Variants in CDKAL1 observed in about 807,000 individuals in gnomAD.
The protein encoded by CDKAL1 is CDKAL1 threonylcarbamoyladenosine tRNA methylthiotransferase.
In CDKAL1, 32 loss-of-function variants were observed where a neutral mutation model predicts 68.2. That is an observed-to-expected ratio of 0.47 (90% CI 0.35 to 0.63). The LOEUF (loss-of-function observed/expected upper bound fraction) is 0.63. Ranked by LOEUF, CDKAL1 falls within the 30% of genes least tolerant of loss-of-function variation. CDKAL1 has a pLI of 0.00. For synonymous variants in CDKAL1, 234 were observed against 244.3 expected (o/e 0.96, Z 0.39); for missense variants, 606 against 696.7 (o/e 0.87, Z 1.47).
At chr6:20,686,808 T>C (rs971842399) in intron 5 of CDKAL1, among the ~76,000 whole-genome samples, 9 of 152,178 alleles carry the variant, frequency 5.9e-5, no homozygotes, top group African/African-American at 2.2e-4. Flanking sequence ...CCGTTAAGTA[T>C]GATGTTAGCT....
At chr6:20,676,712 T>G (rs979408782) in intron 5 of CDKAL1, among the ~76,000 whole-genome samples, 144 of 151,064 alleles carry the variant, frequency 9.5e-4, no homozygotes, top group Non-Finnish European at 1.8e-3. Flanking sequence ...TAAAATAAAA[T>G]AAAATAAAAA....
chr6:21,226,686 G>GT (rs556739035), intron 15 of CDKAL1, among the ~76,000 whole-genome samples: 387 of 152,060 alleles, frequency 2.5e-3, no homozygotes, highest in Non-Finnish European at 3.9e-3. Context: ...GTTCCAGCTT[G>GT]TTTTTTTTGT....
chr6:20,997,639 C>T (rs1289266569), intron 10 of CDKAL1, among the ~76,000 whole-genome samples: 1 of 152,142 alleles, frequency 6.6e-6, no homozygotes, highest in Non-Finnish European at 1.5e-5. Flanking sequence ...TTTCATCTAG[C>T]TCAGTATCCT....
At chr6:21,072,019 C>G (rs1206506228) in intron 12 of CDKAL1, among the ~76,000 whole-genome samples, 1 of 152,226 alleles carries the variant, frequency 6.6e-6, no homozygotes, top group African/African-American at 2.4e-5. Context: ...GCGATACACA[C>G]AGCCAGCTTT....
At chr6:20,853,851 A>C (rs1480617175) in intron 9 of CDKAL1, among the ~76,000 whole-genome samples, 1 of 152,222 alleles carries the variant, frequency 6.6e-6, no homozygotes, top group Non-Finnish European at 1.5e-5. Context: ...AAGGAGTCTG[A>C]GGAAAAACCC....
chr6:20,579,847 A>T (rs1458365995), intron 4 of CDKAL1, among the ~76,000 whole-genome samples: 3 of 152,224 alleles, frequency 2.0e-5, no homozygotes, highest in Admixed American at 2.0e-4. Context: ...TGGGACTTTG[A>T]TAATTTCTAT....
intron 14 of CDKAL1, 40 bp downstream of exon 14, chr6:21,198,144 G>A (rs373385307): frequency 1.5e-5 from 20 of 1,359,978 alleles, no homozygotes; most frequent in Admixed American, 1.9e-5. Context: ...TCTCCAAAGT[G>A]AGAAAGAGTT....
chr6:21,126,300 G>C (rs778014735), intron 13 of CDKAL1, among the ~76,000 whole-genome samples: 3 of 152,106 alleles, frequency 2.0e-5, no homozygotes, highest in South Asian at 2.1e-4. Flanking sequence ...ATAATGGAGC[G>C]ATGCCCCCTC....
chr6:20,934,887 T>C (rs1763628242), intron 9 of CDKAL1, among the ~76,000 whole-genome samples: 2 of 146,590 alleles, frequency 1.4e-5, no homozygotes, highest in South Asian at 4.3e-4. Flanking sequence ...AATTACTTAA[T>C]TCCGCCTTAT....
intron 4 of CDKAL1, among the ~76,000 whole-genome samples, chr6:20,640,341 A>G (rs1581875298): frequency 6.6e-6 from 1 of 152,154 alleles, no homozygotes; most frequent in Non-Finnish European, 1.5e-5. Context: ...TTTCAAATGG[A>G]ACTGTTGTGT....
intron 8 of CDKAL1, among the ~76,000 whole-genome samples, chr6:20,820,870 ACAG>A (rs1298650802): frequency 3.3e-5 from 5 of 152,048 alleles, no homozygotes; most frequent in Non-Finnish European, 5.9e-5. Flanking sequence ...AGACAGGTAA[ACAG>A]CAGACTAGAT....
intron 13 of CDKAL1, among the ~76,000 whole-genome samples, chr6:21,144,053 C>T (rs1211181022): frequency 1.3e-5 from 2 of 151,936 alleles, no homozygotes; most frequent in Admixed American, 1.3e-4. Flanking sequence ...GACTGAGATA[C>T]CATTCCATGT....
intron 4 of CDKAL1, among the ~76,000 whole-genome samples, chr6:20,557,695 G>A (rs1015440693): frequency 1.3e-5 from 2 of 152,228 alleles, no homozygotes; most frequent in African/African-American, 4.8e-5. Flanking sequence ...GGGAGGCTGA[G>A]GCAGGAGGAT....
At chr6:21,035,692 T>C (rs1254074285) in intron 11 of CDKAL1, among the ~76,000 whole-genome samples, 2 of 152,132 alleles carry the variant, frequency 1.3e-5, no homozygotes, top group Admixed American at 1.3e-4. Context: ...GTTCAAAGTT[T>C]AGTGTGCCCT....
At chr6:20,589,361 CAT>C (rs1765500304) in intron 4 of CDKAL1, among the ~76,000 whole-genome samples, 1 of 152,186 alleles carries the variant, frequency 6.6e-6, no homozygotes, top group Admixed American at 6.5e-5. Flanking sequence ...ATTACACACA[CAT>C]GTTCTGCACG....
chr6:20,598,919 G>T (rs1050715654), intron 4 of CDKAL1, among the ~76,000 whole-genome samples: 10 of 151,868 alleles, frequency 6.6e-5, no homozygotes, highest in Non-Finnish European at 8.8e-5. Context: ...AAATTTAATT[G>T]TAGTTTGTTG....
intron 8 of CDKAL1, among the ~76,000 whole-genome samples, chr6:20,793,617 C>A (rs1384331628): frequency 1.3e-5 from 2 of 151,658 alleles, no homozygotes; most frequent in Non-Finnish European, 2.9e-5. Context: ...AATTAATTTT[C>A]TTAATTTTAT....
intron 4 of CDKAL1, among the ~76,000 whole-genome samples, chr6:20,578,094 C>A (rs544824849): frequency 3.9e-5 from 6 of 152,244 alleles, no homozygotes; most frequent in African/African-American, 1.4e-4. Context: ...ACCTTCCTTC[C>A]CCTAAACCAC....
intron 9 of CDKAL1, among the ~76,000 whole-genome samples, chr6:20,876,637 T>C (rs1286528812): frequency 6.6e-6 from 1 of 152,178 alleles, no homozygotes; most frequent in African/African-American, 2.4e-5. Flanking sequence ...ATATGAATTT[T>C]GAAGTCAGGC....
Sources: allele counts gnomAD v4.1 joint callset (sites outside exome capture counted in the v4.1 genomes callset), GRCh38; gene constraint gnomAD v4.1.1; transcripts MANE v1.5; gene names NCBI Gene and HGNC (gene_info 2026-07-23, HGNC 2026-07-21).